The following CYP3A5 variants were observed in gnomAD, a reference collection of about 807,000 sequenced individuals.
The protein encoded by CYP3A5 is cytochrome P450 family 3 subfamily A member 5, also known as cytochrome P450 3A5.
Under a neutral mutation model 55.9 loss-of-function variants are expected in CYP3A5, and 51 were observed. That is an observed-to-expected ratio of 0.91 (90% CI 0.73 to 1.15). The LOEUF (loss-of-function observed/expected upper bound fraction) is 1.15, where lower values mean the gene tolerates loss of function less well. CYP3A5 is among the 50% of genes most tolerant of loss of function. CYP3A5 has a pLI of 0.00. For synonymous variants in CYP3A5, 196 were observed against 213.9 expected (o/e 0.92, Z 0.73); for missense variants, 533 against 596.6 (o/e 0.89, Z 1.11).
chr7:99,648,396 G>A lies in CYP3A5; in HGVS notation c.1418C>T (p.Pro473Leu), dbSNP rs1375690456. ...SFKPCKETQI[P>L]LKLDTQGLLQ... Reference sequence around the variant, plus strand: ...AAGTCCTTGCGTGTCTAATTTCAAGGGGATCTACAATAGTTAAACAAGCAT... The same window carrying A: ...AAGTCCTTGCGTGTCTAATTTCAAGAGGATCTACAATAGTTAAACAAGCAT... The change falls in exon 13 of 13, where the codon CCC becomes CTC. Residue 473 changes from proline (P) to leucine (L), a missense_variant. Coordinates refer to ENST00000222982, the MANE Select transcript of CYP3A5 (RefSeq NM_000777.5). 2 of 1,610,166 alleles carry A rather than the reference G, an allele frequency of 1.2e-6. No individual in the cohort carries two copies. Among genetic ancestry groups the A allele is most frequent in the Admixed American group, 1.7e-5 (1 of 59,872 alleles).
intron 4 of CYP3A5, chr7:99,671,997 A>G (rs1811693272): frequency 8.1e-6 from 5 of 613,550 alleles, no homozygotes; most frequent in Non-Finnish European, 1.5e-5. Flanking sequence ...AATTTCCTGT[A>G]CTATAGTATT....
chr7:99,666,707 C>A lies in CYP3A5; in HGVS notation c.433-18G>T. The stretch of plus-strand genomic sequence containing the variant: ...GGGAACATCTAAGCACAAAACAGAT[C>A]AGTACCTGTAGTTAAATGTGCAGAC... On this transcript the variant is annotated intron_variant, in intron 5 of 12. Coordinates refer to ENST00000222982, the MANE Select transcript of CYP3A5 (RefSeq NM_000777.5). The A allele has an allele frequency of 6.2e-6, 10 of 1,613,998 alleles. No individual in the cohort carries two copies. Among genetic ancestry groups the A allele is most frequent in the Non-Finnish European group, 8.5e-6 (10 of 1,179,910 alleles).
chr7:99,679,608 T>C (rs1408738738), intron 1 of CYP3A5, among the ~76,000 whole-genome samples: 5 of 152,188 alleles, frequency 3.3e-5, no homozygotes, highest in Admixed American at 3.3e-4. Flanking sequence ...TAAACCCTCC[T>C]AGTCACCAAA....
At chr7:99,670,188 T>C (rs573036905) in intron 4 of CYP3A5, among the ~76,000 whole-genome samples, 1 of 152,206 alleles carries the variant, frequency 6.6e-6, no homozygotes, top group Non-Finnish European at 1.5e-5. Context: ...CTGTTTATGG[T>C]ATCAAACAAA....
rs745739575 is a variant in CYP3A5 at position 99,672,654 on chromosome 7, G to C, written c.244C>G (p.Leu82Val). Reference protein sequence around the residue: ...WGTYEGQLPVLAITDPDVIRT... With the variant: ...WGTYEGQLPVVAITDPDVIRT... ...ATCACGTCGGGATCTGTGATGGCCAGCACAGGGAGTTGACCTTCATACGTT... is the reference window on the plus strand; with the variant it reads ...ATCACGTCGGGATCTGTGATGGCCACCACAGGGAGTTGACCTTCATACGTT... Residue 82 changes from leucine to valine, a missense_variant, in exon 4 of 13, where the codon CTG becomes GTG. Coordinates refer to ENST00000222982, the MANE Select transcript of CYP3A5 (RefSeq NM_000777.5). The C allele has an allele frequency of 8.1e-6, 13 of 1,613,980 alleles. No homozygotes were observed. In the East Asian group the frequency reaches 2.9e-4, roughly 36 times the overall value.
At chr7:99,665,099 T>C (rs1810863282) in intron 7 of CYP3A5, 67 bp downstream of exon 7, 1 of 1,303,700 alleles carries the variant, frequency 7.7e-7, no homozygotes, top group Non-Finnish European at 1.1e-6. Flanking sequence ...AATTATACGA[T>C]ATGTGAATTA....
chr7:99,675,844 C>T (rs1190706609), intron 2 of CYP3A5, among the ~76,000 whole-genome samples: 1 of 149,488 alleles, frequency 6.7e-6, no homozygotes. Flanking sequence ...CAGGCATGGG[C>T]TACCATATCA....
At chr7:99,676,040 G>C in intron 2 of CYP3A5, 75 bp downstream of exon 2, 1 of 1,295,422 alleles carries the variant, frequency 7.7e-7, no homozygotes, top group East Asian at 2.3e-5. Flanking sequence ...CTCCCAAGGA[G>C]GGGCATTTTT....
chr7:99,679,165 A>C (rs574879718), intron 1 of CYP3A5, among the ~76,000 whole-genome samples: 19 of 152,184 alleles, frequency 1.2e-4, no homozygotes, highest in African/African-American at 3.9e-4. Flanking sequence ...CTAGAGGTTA[A>C]TCATTGCAAG....
chr7:99,679,731 ATC>A, intron 1 of CYP3A5, 93 bp downstream of exon 1: 1 of 1,190,692 alleles, frequency 8.4e-7, no homozygotes, highest in Non-Finnish European at 1.2e-6. Flanking sequence ...CTCCTTGAAC[ATC>A]TCTTTTGATC....
chr7:99,666,723 A>G, intron 5 of CYP3A5, 34 bp from the exon 6 acceptor site: 2 of 1,613,964 alleles, frequency 1.2e-6, no homozygotes, highest in Non-Finnish European at 1.7e-6. Context: ...CTGTAGTTAA[A>G]TGTGCAGACT....
At chr7:99,674,506 T>G (rs1212449718) in intron 3 of CYP3A5, 27 bp downstream of exon 3, 11 of 1,600,950 alleles carry the variant, frequency 6.9e-6, no homozygotes, top group Non-Finnish European at 9.4e-6. Context: ...AGCAGGTCTA[T>G]CCAATGGAGG....
chr7:99,660,242 T>A, intron 10 of CYP3A5: 2 of 973,112 alleles, frequency 2.1e-6, no homozygotes, highest in Non-Finnish European at 2.4e-6. Flanking sequence ...TTTTTTTTTT[T>A]TTTACTTAGC....
intron 8 of CYP3A5, 128 bp downstream of exon 8, chr7:99,663,840 C>T (rs1453615951): frequency 7.3e-7 from 1 of 1,378,242 alleles, no homozygotes; most frequent in Non-Finnish European, 9.4e-7. Context: ...TACCAAATGG[C>T]TTCTCTTGTT....
At chr7:99,660,322 A>C in intron 10 of CYP3A5, 177 bp downstream of exon 10, 6 of 1,220,002 alleles carry the variant, frequency 4.9e-6, no homozygotes, top group Non-Finnish European at 6.1e-6. Context: ...TGCTTCTGCC[A>C]GTAGCAACCG....
At chr7:99,651,278 G>C (rs931664653) in intron 11 of CYP3A5, among the ~76,000 whole-genome samples, 1 of 152,070 alleles carries the variant, frequency 6.6e-6, no homozygotes, top group Non-Finnish European at 1.5e-5. Flanking sequence ...ACACATATAC[G>C]TATATATCAC....
intron 10 of CYP3A5, among the ~76,000 whole-genome samples, chr7:99,656,484 A>G (rs1584417490): frequency 6.6e-6 from 1 of 152,168 alleles, no homozygotes; most frequent in East Asian, 1.9e-4. Context: ...TCGGTTTGCC[A>G]GTATTTTATT....
chr7:99,671,220 A>G (rs907860531), intron 4 of CYP3A5: 4 of 154,444 alleles, frequency 2.6e-5, no homozygotes, highest in African/African-American at 7.2e-5. Context: ...GGAAGCCAAA[A>G]GATTGGACAC....
intron 2 of CYP3A5, among the ~76,000 whole-genome samples, chr7:99,674,981 T>C (rs915779616): frequency 6.6e-6 from 1 of 152,246 alleles, no homozygotes; most frequent in African/African-American, 2.4e-5. Context: ...CACAATTTTT[T>C]AATCTCCTCC....
Sources: gnomAD v4.1 joint callset for allele counts (sites outside exome capture counted in the v4.1 genomes callset) on GRCh38, gnomAD v4.1.1 for gene constraint, MANE v1.5 for transcripts, NCBI Gene and HGNC (gene_info 2026-07-23, HGNC 2026-07-21) for gene names.